SGCZ: variants seen among roughly 807,000 people sequenced by gnomAD.
The protein encoded by SGCZ is sarcoglycan zeta, also known as zeta-sarcoglycan.
Under a neutral mutation model 41.3 loss-of-function variants are expected in SGCZ, and 40 were observed. The observed-to-expected ratio is 0.97, with a 90% confidence interval of 0.75 to 1.26. SGCZ has a LOEUF of 1.26. Ranked by LOEUF, SGCZ falls within the 50% of genes most tolerant of loss-of-function variation. The pLI is 0.00. For missense variants in SGCZ, 552 were observed against 369.8 expected, an observed-to-expected ratio of 1.49 and a Z score of -4.04; for synonymous variants, 206 against 137.5, an observed-to-expected ratio of 1.50 and a Z score of -3.49.
At chr8:14,593,292 G>T (rs1805298605) in intron 1 of SGCZ, among the ~76,000 whole-genome samples, 1 of 152,098 alleles carries the variant, frequency 6.6e-6, no homozygotes, top group African/African-American at 2.4e-5. Context: ...GTGGTTGGAG[G>T]GATTTGAGGA....
chr8:14,288,277 A>G (rs1480984266), intron 3 of SGCZ, among the ~76,000 whole-genome samples: 1 of 152,182 alleles, frequency 6.6e-6, no homozygotes, highest in Non-Finnish European at 1.5e-5. Flanking sequence ...GCATTGAAAT[A>G]CATGTAACAT....
intron 1 of SGCZ, among the ~76,000 whole-genome samples, chr8:14,663,022 G>A (rs1807804227): frequency 6.6e-6 from 1 of 152,132 alleles, no homozygotes; most frequent in African/African-American, 2.4e-5. Flanking sequence ...CAAGGAAACA[G>A]ATCCTCCCCT....
chr8:15,096,095 T>G (rs763598066), intron 1 of SGCZ, among the ~76,000 whole-genome samples: 3 of 152,156 alleles, frequency 2.0e-5, no homozygotes, highest in Non-Finnish European at 4.4e-5. Flanking sequence ...TTATTTTTTT[T>G]GAGATGGAGT....
At chr8:14,956,644 T>C (rs11988988) in intron 1 of SGCZ, among the ~76,000 whole-genome samples, 5,934 of 152,174 alleles carry the variant, frequency 0.039, 366 homozygotes, top group African/African-American at 0.14. Context: ...AGTTATCTTC[T>C]AGAATAAAAA....
chr8:14,101,298 G>C (rs1210186001), intron 7 of SGCZ, among the ~76,000 whole-genome samples: 1 of 114,024 alleles, frequency 8.8e-6, no homozygotes, highest in African/African-American at 2.6e-5. Flanking sequence ...GAGGGTAAGA[G>C]ATGTGGAAGG....
Position 15,124,288 on chromosome 8 carries a change from G to C in SGCZ, c.39+113297C>G, listed in dbSNP as rs190491715. ...GTAAGTCTTCTTTCTATATTACAAGGATGGAGAGAAAAAAAGAATGTGTTT... is the reference window on the plus strand; with the variant it reads ...GTAAGTCTTCTTTCTATATTACAAGCATGGAGAGAAAAAAAGAATGTGTTT... On this transcript the variant is annotated intron_variant, in intron 1 of 7. Transcript: ENST00000382080. 3.3e-3 allele frequency among the ~76,000 whole-genome samples: 495 copies of C among 152,252 alleles called. 2 individuals carry two copies. The highest frequency in any genetic ancestry group is 0.012 in the African/African-American group (478 of 41,560).
intron 2 of SGCZ, among the ~76,000 whole-genome samples, chr8:14,429,549 C>G (rs1165195489): frequency 1.3e-5 from 2 of 152,114 alleles, no homozygotes; most frequent in Non-Finnish European, 2.9e-5. Flanking sequence ...GAGTAGCCCC[C>G]AAAGAAATGT....
chr8:14,430,810 G>A (rs191958959), intron 2 of SGCZ, among the ~76,000 whole-genome samples: 133 of 152,204 alleles, frequency 8.7e-4, no homozygotes, highest in African/African-American at 3.1e-3. Context: ...AGACTCCTCC[G>A]TAAAGCTCCT....
intron 2 of SGCZ, among the ~76,000 whole-genome samples, chr8:14,414,519 G>T (rs1341448585): frequency 2.0e-5 from 3 of 151,820 alleles, no homozygotes. Context: ...CAAATTAAAA[G>T]ACCAACATTC....
At chr8:14,399,189 T>G (rs1799003056) in intron 2 of SGCZ, among the ~76,000 whole-genome samples, 1 of 152,132 alleles carries the variant, frequency 6.6e-6, no homozygotes, top group Admixed American at 6.6e-5. Flanking sequence ...TTCATCAGAT[T>G]ATTTTCCTGT....
At chr8:14,611,451 C>A (rs2117340800) in intron 1 of SGCZ, among the ~76,000 whole-genome samples, 1 of 152,184 alleles carries the variant, frequency 6.6e-6, no homozygotes, top group East Asian at 1.9e-4. Flanking sequence ...ATCAGAGTGG[C>A]TTTAAATTCC....
intron 1 of SGCZ, among the ~76,000 whole-genome samples, chr8:14,582,898 C>T (rs1804939175): frequency 6.6e-6 from 1 of 151,676 alleles, no homozygotes; most frequent in South Asian, 2.1e-4. Context: ...TTTCTTAATC[C>T]AGTCTATCAT....
chr8:15,080,704 C>T (rs1805712105), intron 1 of SGCZ, among the ~76,000 whole-genome samples: 1 of 152,084 alleles, frequency 6.6e-6, no homozygotes, highest in South Asian at 2.1e-4. Flanking sequence ...GATTGTGCTG[C>T]CTCAGCCTCC....
At position 14,298,345 on chromosome 8, in the gene SGCZ, G is replaced by C. The variant is rs952013645; in HGVS notation, c.336+25758C>G. Reference sequence around the variant, plus strand: ...CATTCCTATTCAATATTGTAGTCAGGCCTCACCCAGCATGACTAAAGAAGA... The same window carrying C: ...CATTCCTATTCAATATTGTAGTCAGCCCTCACCCAGCATGACTAAAGAAGA... On this transcript the variant is annotated intron_variant, in intron 3 of 7. Coordinates refer to ENST00000382080, the MANE Select transcript of SGCZ (RefSeq NM_139167.4). 3.3e-5 allele frequency among the ~76,000 whole-genome samples: 5 copies of C among 151,632 alleles called. No homozygotes were observed. The East Asian group carries it at 9.7e-4, about 29-fold the overall frequency.
At chr8:15,054,997 G>A (rs1362142839) in intron 1 of SGCZ, among the ~76,000 whole-genome samples, 1 of 151,526 alleles carries the variant, frequency 6.6e-6, no homozygotes, top group East Asian at 1.9e-4. Flanking sequence ...ATTTTGCAAT[G>A]GCTGCCATCC....
At chr8:14,660,507 G>A (rs116650759) in intron 1 of SGCZ, among the ~76,000 whole-genome samples, 1 of 139,448 alleles carries the variant, frequency 7.2e-6, no homozygotes, top group African/African-American at 2.8e-5. Flanking sequence ...AGAGGCGGAG[G>A]TTTCAGTGAG....
At chr8:14,211,309 T>C (rs1282652479) in intron 4 of SGCZ, among the ~76,000 whole-genome samples, 1 of 152,052 alleles carries the variant, frequency 6.6e-6, no homozygotes, top group Non-Finnish European at 1.5e-5. Flanking sequence ...ACTCATGAAC[T>C]CTACAGCCCA....
At chr8:14,215,809 C>T (rs781619152) in intron 4 of SGCZ, among the ~76,000 whole-genome samples, 8 of 152,182 alleles carry the variant, frequency 5.3e-5, no homozygotes, top group Non-Finnish European at 5.9e-5. Context: ...AGACCCATAA[C>T]CTTAAATAAG....
chr8:14,512,252 G>C (rs1802487795), intron 2 of SGCZ, among the ~76,000 whole-genome samples: 2 of 152,074 alleles, frequency 1.3e-5, no homozygotes, highest in Non-Finnish European at 1.5e-5. Context: ...ATAAGCAGGT[G>C]GAAGCTGAGT....
Sources: allele counts gnomAD v4.1 joint callset (sites outside exome capture counted in the v4.1 genomes callset), GRCh38; gene constraint gnomAD v4.1.1; transcripts MANE v1.5; gene names NCBI Gene and HGNC (gene_info 2026-07-23, HGNC 2026-07-21).